The following NBEA variants were observed in gnomAD, a reference collection of about 807,000 sequenced individuals.
NBEA encodes lysosomal-trafficking regulator 2.
In NBEA, 44 loss-of-function variants were observed where a neutral mutation model predicts 343.4. That is an observed-to-expected ratio of 0.13 (90% CI 0.10 to 0.16). The LOEUF (loss-of-function observed/expected upper bound fraction) is 0.16, where lower values mean the gene tolerates loss of function less well. Among genes scored for constraint, NBEA ranks in the 10% least tolerant of loss-of-function variants. NBEA has a pLI of 1.00. For synonymous variants in NBEA, 1,175 were observed against 1,238.7 expected (o/e 0.95, Z 1.08); for missense variants, 2,555 against 3,631.3 (o/e 0.70, Z 7.62).
At chr13:35,266,384 C>T (rs9543828) in intron 34 of NBEA, among the ~76,000 whole-genome samples, 70,727 of 151,552 alleles carry the variant, frequency 0.47, 19,405 homozygotes, top group Non-Finnish European at 0.6. Context: ...GATATCTACA[C>T]TCTCATGTTT....
At chr13:35,197,541 G>A (rs568039614) in intron 31 of NBEA, among the ~76,000 whole-genome samples, 11 of 151,166 alleles carry the variant, frequency 7.3e-5, no homozygotes, top group Admixed American at 3.3e-4. Context: ...TTTTTGAGAT[G>A]GAGTCTCACT....
intron 38 of NBEA, among the ~76,000 whole-genome samples, chr13:35,387,299 G>A (rs368647231): frequency 1.3e-5 from 2 of 152,046 alleles, no homozygotes; most frequent in Non-Finnish European, 2.9e-5. Context: ...AGCCTCAACT[G>A]GAAGGTTAAG....
At chr13:35,568,524 C>A (rs2080240818) in intron 45 of NBEA, among the ~76,000 whole-genome samples, 1 of 152,048 alleles carries the variant, frequency 6.6e-6, no homozygotes. Context: ...CCTTCAGGAA[C>A]AAATCTAGTT....
chr13:35,171,126 T>G, intron 25 of NBEA, 146 bp from the exon 26 acceptor site: 1 of 810,054 alleles, frequency 1.2e-6, no homozygotes, highest in Middle Eastern at 2.3e-4. Flanking sequence ...GCTCTGGTGA[T>G]ATATGGAATT....
chr13:35,595,709 T>A (rs1285850581), intron 47 of NBEA, among the ~76,000 whole-genome samples: 1 of 152,054 alleles, frequency 6.6e-6, no homozygotes, highest in African/African-American at 2.4e-5. Context: ...ATACTTTTTT[T>A]ATTTTTTAAG....
intron 34 of NBEA, among the ~76,000 whole-genome samples, chr13:35,278,286 G>A (rs2034786220): frequency 6.6e-6 from 1 of 151,892 alleles, no homozygotes; most frequent in East Asian, 1.9e-4. Flanking sequence ...GAAGAAAAAA[G>A]GATAGTTGAA....
intron 34 of NBEA, among the ~76,000 whole-genome samples, chr13:35,254,882 T>C (rs939194467): frequency 4.1e-4 from 62 of 152,150 alleles, no homozygotes; most frequent in African/African-American, 1.4e-3. Flanking sequence ...CTCCTTTTTA[T>C]TGTTACATTA....
chr13:35,552,138 A>C (rs552764912), intron 43 of NBEA, among the ~76,000 whole-genome samples: 16 of 152,358 alleles, frequency 1.1e-4, no homozygotes, highest in African/African-American at 3.4e-4. Context: ...GTCCTTGAGA[A>C]TTATTACACA....
chr13:35,040,974 C>A lies in NBEA; in HGVS notation c.336C>A (p.Ile112=). ...TTGACTTGGAGATGAACTTTATTAT[C>A]CAGGATGCTGAGAGTATAACATGTA... ...GEFDLEMNFI[I]QDAESITCMT... The change falls in exon 2 of 59, where the codon ATC becomes ATA. Residue 112 remains isoleucine, a synonymous_variant. Transcript: ENST00000379939. The A allele has an allele frequency of 1.2e-6, 2 of 1,613,090 alleles. No individual in the cohort carries two copies. Among genetic ancestry groups the A allele is most frequent in the Non-Finnish European group, 1.7e-6 (2 of 1,179,346 alleles).
chr13:35,310,476 C>T (rs987418407), intron 36 of NBEA, among the ~76,000 whole-genome samples: 8 of 152,278 alleles, frequency 5.3e-5, no homozygotes, highest in South Asian at 2.1e-4. Context: ...AAACACAGCA[C>T]GCTTTGCGGG....
chr13:34,950,413 T>A (rs928796063), intron 1 of NBEA, among the ~76,000 whole-genome samples: 11 of 152,124 alleles, frequency 7.2e-5, no homozygotes, highest in Admixed American at 2.0e-4. Flanking sequence ...TATCTCCAGA[T>A]GTTTCAGTGC....
At chr13:35,069,326 A>G (rs2063775423) in intron 8 of NBEA, among the ~76,000 whole-genome samples, 1 of 152,148 alleles carries the variant, frequency 6.6e-6, no homozygotes, top group Non-Finnish European at 1.5e-5. Context: ...TAGATGGCAT[A>G]GGTTTAGTTC....
intron 41 of NBEA, among the ~76,000 whole-genome samples, chr13:35,483,961 C>G (rs1311210988): frequency 6.6e-6 from 1 of 152,006 alleles, no homozygotes; most frequent in Non-Finnish European, 1.5e-5. Context: ...AAGGAAACAA[C>G]CACTAAATAT....
intron 30 of NBEA, among the ~76,000 whole-genome samples, chr13:35,190,919 A>G (rs950127761): frequency 6.6e-6 from 1 of 152,152 alleles, no homozygotes; most frequent in Non-Finnish European, 1.5e-5. Context: ...ATATCTCACC[A>G]AAAGGAGGAT....
At chr13:35,533,921 A>G (rs1304120096) in intron 41 of NBEA, among the ~76,000 whole-genome samples, 1 of 152,202 alleles carries the variant, frequency 6.6e-6, no homozygotes, top group African/African-American at 2.4e-5. Context: ...ATATATGGAG[A>G]AAATAATATT....
At chr13:35,088,165 G>A (rs2064870583) in intron 10 of NBEA, among the ~76,000 whole-genome samples, 1 of 151,872 alleles carries the variant, frequency 6.6e-6, no homozygotes, top group South Asian at 2.1e-4. Flanking sequence ...CAATCCAAAA[G>A]GCAAGCAAGC....
intron 49 of NBEA, among the ~76,000 whole-genome samples, chr13:35,638,198 G>A (rs1038772030): frequency 2.0e-5 from 3 of 152,292 alleles, no homozygotes; most frequent in Non-Finnish European, 4.4e-5. Context: ...ACAATAGTGT[G>A]AATGTACTTA....
chr13:35,151,230 G>A (rs1182244585), intron 18 of NBEA, among the ~76,000 whole-genome samples: 1 of 151,362 alleles, frequency 6.6e-6, no homozygotes, highest in Non-Finnish European at 1.5e-5. Context: ...TAAGATGCTT[G>A]TAATATAATA....
At chr13:35,134,054 C>G (rs555220095) in intron 17 of NBEA, among the ~76,000 whole-genome samples, 1 of 151,828 alleles carries the variant, frequency 6.6e-6, no homozygotes, top group Non-Finnish European at 1.5e-5. Context: ...GTTAAAAGTT[C>G]AAAAGAGAAT....
Sources: allele counts gnomAD v4.1 joint callset (sites outside exome capture counted in the v4.1 genomes callset), GRCh38; gene constraint gnomAD v4.1.1; transcripts MANE v1.5; gene names NCBI Gene and HGNC (gene_info 2026-07-23, HGNC 2026-07-21).